SERPINA12: variants seen among roughly 807,000 people sequenced by gnomAD.
SERPINA12 encodes the protein serpin A12.
Under a neutral mutation model 25.9 loss-of-function variants are expected in SERPINA12, and 21 were observed. The ratio of observed to expected loss-of-function variants is 0.81; its 90% CI spans 0.58 to 1.17. SERPINA12 has a LOEUF of 1.17. Among genes scored for constraint, SERPINA12 ranks in the 50% most tolerant of loss-of-function variants. The pLI, the probability that SERPINA12 is intolerant of heterozygous loss-of-function variation, is 0.00. For missense variants in SERPINA12, 562 were observed against 508.3 expected (o/e 1.11, Z -1.02); for synonymous variants, 220 against 196.0 (o/e 1.12, Z -1.02).
In SERPINA12 at chr14:94,496,449, C is replaced by T. The variant is rs1286855834; in HGVS notation, c.829G>A (p.Glu277Lys). 2 of 1,614,146 alleles carry T rather than the reference C, an allele frequency of 1.2e-6. No homozygotes were observed. The highest frequency in any genetic ancestry group is 1.1e-5 in the South Asian group (1 of 91,080). ...TTCTCCAAGTGCTTCAGCTTGCCCTCATCAGGAAGGATGAAGATGGCTGTG... is the reference window on the plus strand; with the variant it reads ...TTCTCCAAGTGCTTCAGCTTGCCCTTATCAGGAAGGATGAAGATGGCTGTG... Reference protein sequence around the residue: ...NITAIFILPDEGKLKHLEKGL... With the variant: ...NITAIFILPDKGKLKHLEKGL... Residue 277 changes from glutamate (E) to lysine (K), a missense_variant, in exon 3 of 5, where the codon GAG becomes AAG. Coordinates refer to ENST00000677451, the MANE Select transcript of SERPINA12 (RefSeq NM_001382267.1).
At chr14:94,512,259 A>C (rs1901131127), upstream of SERPINA12, among the ~76,000 whole-genome samples, 1 of 152,174 alleles carries the variant, frequency 6.6e-6, no homozygotes, top group Admixed American at 6.5e-5. Context: ...GCATTGTGAC[A>C]TTGAGGCGGA....
At chr14:94,498,611 A>T (rs879568516) in intron 1 of SERPINA12, among the ~76,000 whole-genome samples, 181 bp from the exon 2 acceptor site, 4 of 152,216 alleles carry the variant, frequency 2.6e-5, no homozygotes, top group Non-Finnish European at 5.9e-5. Context: ...AATGACTTCT[A>T]CACTTTGTAA....
intron 1 of SERPINA12, among the ~76,000 whole-genome samples, chr14:94,517,226 G>A (rs908765652): frequency 1.6e-4 from 24 of 152,352 alleles, no homozygotes; most frequent in East Asian, 7.7e-4. Context: ...AGTGCCTGTC[G>A]CAGCAGGGAG....
In SERPINA12 at chr14:94,496,455, G is replaced by A. The variant is rs372389745; in HGVS notation, c.823C>T (p.Pro275Ser). Reference sequence around the variant, plus strand: ...AAGTGCTTCAGCTTGCCCTCATCAGGAAGGATGAAGATGGCTGTGATATTT... The same window carrying A: ...AAGTGCTTCAGCTTGCCCTCATCAGAAAGGATGAAGATGGCTGTGATATTT... ...QKNITAIFIL[P>S]DEGKLKHLEK... The change falls in exon 3 of 5, where the codon CCT becomes TCT. Residue 275 changes from proline to serine, a missense_variant. Physicochemically the swap from Pro to Ser is moderately conservative, Grantham distance 74. Transcript: ENST00000677451. The A allele has an allele frequency of 2.0e-5, 33 of 1,614,140 alleles. No homozygotes were observed. The highest frequency in any genetic ancestry group is 1.2e-4 in the Admixed American group (7 of 60,022).
intron 4 of SERPINA12, among the ~76,000 whole-genome samples, chr14:94,487,770 A>G (rs533171489): frequency 7.2e-5 from 11 of 152,208 alleles, no homozygotes; most frequent in African/African-American, 2.6e-4. Flanking sequence ...TCTCTTTCTC[A>G]TGGGTTACAG....
At chr14:94,512,239 CT>C (rs1388672141), upstream of SERPINA12, among the ~76,000 whole-genome samples, 3 of 152,220 alleles carry the variant, frequency 2.0e-5, no homozygotes, top group African/African-American at 7.2e-5. Context: ...CACGTGTCCC[CT>C]CTCAGGGGGC....
In SERPINA12 at chr14:94,487,357, C is replaced by G. The variant is rs1381773545; in HGVS notation, c.1191G>C (p.Glu397Asp). ...CCAGGAAGAGCACGGAAGGTATTTT[C>G]TCGCTGTAAATCAGCAGCAGATAGG... Reference protein sequence around the residue: ...DKPYLLLIYSEKIPSVLFLGK... With the variant: ...DKPYLLLIYSDKIPSVLFLGK... Residue 397 changes from glutamate to aspartate, a missense_variant, in exon 5 of 5, where the codon GAG becomes GAC. Glu to Asp is a conservative substitution (Grantham distance 45, BLOSUM62 2). Transcript: ENST00000677451. 1.2e-6 allele frequency: 2 copies of G among 1,614,034 alleles called. No homozygotes were observed. The highest frequency in any genetic ancestry group is 2.7e-5 in the African/African-American group (2 of 74,928).
intron 1 of SERPINA12, among the ~76,000 whole-genome samples, chr14:94,517,066 G>T (rs552566485): frequency 6.6e-6 from 1 of 152,346 alleles, no homozygotes; most frequent in Non-Finnish European, 1.5e-5. Context: ...TGCCCTTTGG[G>T]GGCACAGCAC....
chr14:94,498,066 T>A lies in SERPINA12; in HGVS notation c.332A>T (p.Asp111Val), dbSNP rs1410151394. 1 of 1,614,056 alleles carries A rather than the reference T, an allele frequency of 6.2e-7. No homozygotes were observed. The highest frequency in any genetic ancestry group is 1.3e-5 in the African/African-American group (1 of 74,902). The change falls in exon 2 of 5, where the codon GAT (aspartate) becomes GTT (valine). Residue 111 changes from aspartate to valine, a missense_variant. Physicochemically the swap from Asp to Val is radical, Grantham distance 152. Coordinates refer to ENST00000677451, the MANE Select transcript of SERPINA12 (RefSeq NM_001382267.1). ...GATGTAATGGAAGCCCTCATGAAGA[T>A]CTTTTTCTGGCATCTTTCTGAAGTT... is the stretch of plus-strand genomic sequence containing the variant. ...GFNFRKMPEK[D>V]LHEGFHYIIH...
intron 1 of SERPINA12, among the ~76,000 whole-genome samples, chr14:94,498,727 C>T (rs1254085438): frequency 4.6e-5 from 7 of 152,184 alleles, no homozygotes. Flanking sequence ...CATTGGACCA[C>T]AGTGAGGATA....
At chr14:94,508,638 T>C (rs1901015879) in intron 1 of SERPINA12, among the ~76,000 whole-genome samples, 1 of 152,220 alleles carries the variant, frequency 6.6e-6, no homozygotes, top group Non-Finnish European at 1.5e-5. Context: ...CATATATGGA[T>C]ATACCATCTT....
At chr14:94,507,158 T>C (rs146833237) in intron 1 of SERPINA12, among the ~76,000 whole-genome samples, 1 of 152,316 alleles carries the variant, frequency 6.6e-6, no homozygotes, top group East Asian at 1.9e-4. Flanking sequence ...CATACAAAAA[T>C]TAATTTGAGA....
chr14:94,510,758 C>T (rs571653653), upstream of SERPINA12, among the ~76,000 whole-genome samples: 20 of 152,296 alleles, frequency 1.3e-4, no homozygotes, highest in African/African-American at 4.6e-4. Context: ...GAATACCACT[C>T]AGCCATAAAA....
At chr14:94,493,616 G>A (rs1900272385) in intron 3 of SERPINA12, among the ~76,000 whole-genome samples, 1 of 151,796 alleles carries the variant, frequency 6.6e-6, no homozygotes, top group African/African-American at 2.4e-5. Flanking sequence ...GACTCCACAA[G>A]ACACCACTGA....
intron 1 of SERPINA12, chr14:94,503,943 A>C (rs888187184): frequency 6.6e-6 from 1 of 152,208 alleles, no homozygotes; most frequent in Non-Finnish European, 1.5e-5. Flanking sequence ...AGACATCCAT[A>C]ACACTCTGCC....
upstream of SERPINA12, among the ~76,000 whole-genome samples, chr14:94,512,169 A>G (rs550999633): frequency 6.6e-6 from 1 of 152,292 alleles, no homozygotes; most frequent in Non-Finnish European, 1.5e-5. Context: ...CGAGAGGCAG[A>G]TATTGAATCA....
At chr14:94,517,318 C>G (rs1901261216) in intron 1 of SERPINA12, 1 of 152,286 alleles carries the variant, frequency 6.6e-6, no homozygotes, top group Non-Finnish European at 1.5e-5. Context: ...TCTCCCAAAG[C>G]AAGCATGGCG....
intron 3 of SERPINA12, 138 bp from the exon 4 acceptor site, chr14:94,489,905 G>A: frequency 1.2e-6 from 1 of 844,000 alleles, no homozygotes; most frequent in East Asian, 2.5e-5. Context: ...AGAATGAGGA[G>A]GGGCTCCTTA....
chr14:94,509,129 A>C (rs941152811), intron 1 of SERPINA12, among the ~76,000 whole-genome samples: 5 of 152,156 alleles, frequency 3.3e-5, no homozygotes, highest in Non-Finnish European at 7.3e-5. Flanking sequence ...GCATGGCCAC[A>C]GCATCTTGGC....
Sources: gnomAD v4.1 joint callset for allele counts (sites outside exome capture counted in the v4.1 genomes callset) on GRCh38, gnomAD v4.1.1 for gene constraint, MANE v1.5 for transcripts, NCBI Gene and HGNC (gene_info 2026-07-23, HGNC 2026-07-21) for gene names.